The following CNTNAP1 variants were observed in gnomAD, a reference collection of about 807,000 sequenced individuals.
CNTNAP1 encodes the protein contactin associated protein 1.
In CNTNAP1, 80 loss-of-function variants were observed where a neutral mutation model predicts 161.5. That is an observed-to-expected ratio of 0.50 (90% CI 0.41 to 0.60). CNTNAP1 has a LOEUF of 0.60. CNTNAP1 is among the 20% of genes least tolerant of loss of function. The pLI, the probability that CNTNAP1 is intolerant of heterozygous loss-of-function variation, is 0.00. For synonymous variants in CNTNAP1, 695 were observed against 733.1 expected, an observed-to-expected ratio of 0.95 and a Z score of 0.84; for missense variants, 1,464 against 1,854.8, an observed-to-expected ratio of 0.79 and a Z score of 3.87.
At position 42,698,712 on chromosome 17, in the gene CNTNAP1, G is replaced by A; in HGVS notation, c.3957G>A (p.Glu1319=). The change falls in exon 24 of 24, where the codon GAG becomes GAA. Residue 1319 remains glutamate (E), a synonymous_variant. Coordinates refer to ENST00000264638, the MANE Select transcript of CNTNAP1 (RefSeq NM_003632.3). ...ATAAGGGCTCCTACCATACCAATGAGCCCAAGGCTGCCCACGAGTACCATC... is the reference window on the plus strand; with the variant it reads ...ATAAGGGCTCCTACCATACCAATGAACCCAAGGCTGCCCACGAGTACCATC... The part of the protein sequence containing the change: ...HRYKGSYHTN[E]PKAAHEYHPG... 6.2e-7 allele frequency: 1 copy of A among 1,613,348 alleles called. No individual in the cohort carries two copies. Among genetic ancestry groups the A allele is most frequent in the African/African-American group, 1.3e-5 (1 of 74,824 alleles).
At chr17:42,697,453 G>A in intron 21 of CNTNAP1, 86 bp downstream of exon 21, 6 of 1,606,030 alleles carry the variant, frequency 3.7e-6, no homozygotes, top group Non-Finnish European at 5.1e-6. Context: ...CCCTGGGAAT[G>A]GCTGAGGGCA....
Position 42,687,221 on chromosome 17 carries a change from G to A in CNTNAP1, c.1044+175G>A. 1.3e-6 allele frequency: 1 copy of A among 774,174 alleles called. No individual in the cohort carries two copies. The highest frequency in any genetic ancestry group is 2.0e-6 in the Non-Finnish European group (1 of 501,362). 48.0% of individuals were successfully genotyped at this position (774,174 alleles called of 1,614,324 possible). Reference sequence around the variant, plus strand: ...CACCTGAGGTGCATGAGCCACGCAGGCCCCTAGTTAAGAAGCAGTGGTCGG... The same window carrying A: ...CACCTGAGGTGCATGAGCCACGCAGACCCCTAGTTAAGAAGCAGTGGTCGG... On this transcript the variant is annotated intron_variant, in intron 7 of 23. Transcript: ENST00000264638. This position sits in a 1 kb window ranked among gnomAD's most constrained non-coding sequence, Gnocchi z 4.7.
Position 42,691,511 on chromosome 17 carries a change from C to A in CNTNAP1, c.2344C>A (p.Arg782=). The stretch of plus-strand genomic sequence containing the variant: ...GAGGCCTCTGCGCTGCTATGGCGAT[C>A]GTGAGTGGCAGTCCCCTTTTGTGTG... ...FLRPLRCYGD[R]NSWNTISFHT... is the part of the protein sequence containing the mutation. Residue 782 remains arginine (R), a splice_region_variant and synonymous_variant, in exon 15 of 24, where the codon CGA becomes AGA. Transcript: ENST00000264638. The surrounding 1 kb of genome is among the most constrained non-coding windows in gnomAD (Gnocchi z 4.3). 6.2e-7 allele frequency: 1 copy of A among 1,613,880 alleles called. No homozygotes were observed. The highest frequency in any genetic ancestry group is 1.1e-5 in the South Asian group (1 of 91,026).
At chr17:42,696,533 G>C (rs2053154376) in intron 20 of CNTNAP1, among the ~76,000 whole-genome samples, 1 of 152,138 alleles carries the variant, frequency 6.6e-6, no homozygotes, top group South Asian at 2.1e-4. Context: ...ATGTTGGTCA[G>C]GCTGGTCTCG....
In CNTNAP1 at chr17:42,689,589, G is replaced by A; in HGVS notation, c.1697G>A (p.Cys566Tyr). Residue 566 changes from cysteine to tyrosine, a missense_variant, in exon 11 of 24, where the codon TGC becomes TAC. Transcript: ENST00000264638. ...TCTTGGGATGACTTCATTTGCTACT[G>A]CGAACTGACGGGCTACAAGGGAGAG... ...YQSWDDFICYCELTGYKGETC... is the reference protein window; with the variant it reads ...YQSWDDFICYYELTGYKGETC... 1 of 1,613,964 alleles carries A rather than the reference G, an allele frequency of 6.2e-7. No individual in the cohort carries two copies. The highest frequency in any genetic ancestry group is 8.5e-7 in the Non-Finnish European group (1 of 1,179,946).
Position 42,687,799 on chromosome 17 carries a change from C to T in CNTNAP1, c.1124C>T (p.Pro375Leu). Residue 375 changes from proline (P) to leucine (L), a missense_variant, in exon 8 of 24, where the codon CCC (proline) becomes CTC (leucine). By Grantham distance (98) the Pro-to-Leu change is moderately conservative (BLOSUM62 -3). Coordinates refer to ENST00000264638, the MANE Select transcript of CNTNAP1 (RefSeq NM_003632.3). The surrounding 1 kb of genome is among the most constrained non-coding windows in gnomAD (Gnocchi z 4.7). Reference protein sequence around the residue: ...FGGPHNFVQVPGFPRRGRLAV... With the variant: ...FGGPHNFVQVLGFPRRGRLAV... ...GGCCCTCACAACTTCGTTCAAGTGC[C>T]CGGTTTCCCACGCCGTGGCCGCCTG... 1 of 1,614,232 alleles carries T rather than the reference C, an allele frequency of 6.2e-7. No individual in the cohort carries two copies. Among genetic ancestry groups the T allele is most frequent in the Non-Finnish European group, 8.5e-7 (1 of 1,180,044 alleles).
Position 42,691,429 on chromosome 17 carries a change from C to T in CNTNAP1, c.2262C>T (p.Val754=). ...GLLTFVDHLP[V]TQVVIGDTNR... ...TGACCTTTGTGGACCATCTGCCTGT[C>T]ACTCAGGTAGTGATAGGGGATACGA... The change falls in exon 15 of 24, where the codon GTC becomes GTT. Residue 754 remains valine, a synonymous_variant. Transcript: ENST00000264638. This position sits in a 1 kb window ranked among gnomAD's most constrained non-coding sequence, Gnocchi z 4.3. The T allele has an allele frequency of 6.2e-7, 1 of 1,614,118 alleles. No homozygotes were observed. The highest frequency in any genetic ancestry group is 8.5e-7 in the Non-Finnish European group (1 of 1,180,016).
rs1229444835 is a variant in CNTNAP1, at chr17:42,691,772, C to T, written c.2345-34C>T. On this transcript the variant is annotated intron_variant, in intron 15 of 23. Transcript: ENST00000264638. The surrounding 1 kb of genome is among the most constrained non-coding windows in gnomAD (Gnocchi z 4.3). The stretch of plus-strand genomic sequence containing the variant: ...CTCTTCCTCCTCCACCCTCCAATCT[C>T]CCTGACAAGACCTTCCTCCATCTGC... The T allele has an allele frequency of 6.2e-7, 1 of 1,609,738 alleles. No individual in the cohort carries two copies.
Position 42,697,816 on chromosome 17 carries a change from C to A in CNTNAP1, c.3814+17C>A. ...TGCCCCCAGGTACATTCCCAGGACA[C>A]AGAGGACAGAAGGGAGGGATGACAC... is the stretch of plus-strand genomic sequence containing the variant. On this transcript the variant is annotated intron_variant, in intron 22 of 23. Coordinates refer to ENST00000264638, the MANE Select transcript of CNTNAP1 (RefSeq NM_003632.3). 2 of 1,614,168 alleles carry A rather than the reference C, an allele frequency of 1.2e-6. No homozygotes were observed. Among genetic ancestry groups the A allele is most frequent in the Non-Finnish European group, 1.7e-6 (2 of 1,180,028 alleles).
chr17:42,687,445 G>A lies in CNTNAP1; in HGVS notation c.1045-275G>A. 1 of 544,236 alleles carries A rather than the reference G, an allele frequency of 1.8e-6. No individual in the cohort carries two copies. The highest frequency in any genetic ancestry group is 3.3e-6 in the Non-Finnish European group (1 of 307,070). The allele number at this position is 544,236 out of a possible 1,614,324, so 33.7% of individuals were successfully genotyped here. A position where few individuals can be genotyped will look rare whatever the true frequency, so the allele number is the denominator to read the frequency against. On this transcript the variant is annotated intron_variant, in intron 7 of 23. Coordinates refer to ENST00000264638, the MANE Select transcript of CNTNAP1 (RefSeq NM_003632.3). This position sits in a 1 kb window ranked among gnomAD's most constrained non-coding sequence, Gnocchi z 4.7. ...GGAGCCAGGTCTGTGGTCCAAAATTGCCTCTCGATACTGGAAGGAGAGAAG... is the reference window on the plus strand; with the variant it reads ...GGAGCCAGGTCTGTGGTCCAAAATTACCTCTCGATACTGGAAGGAGAGAAG...
chr17:42,682,819 G>C lies in CNTNAP1; in HGVS notation c.-11G>C, dbSNP rs945283475. 1.3e-6 allele frequency: 2 copies of C among 1,565,168 alleles called. No individual in the cohort carries two copies. The highest frequency in any genetic ancestry group is 1.7e-6 in the Non-Finnish European group (2 of 1,157,116). On this transcript the variant is annotated 5_prime_UTR_variant, in exon 1 of 24. Coordinates refer to ENST00000264638, the MANE Select transcript of CNTNAP1 (RefSeq NM_003632.3). ...TCACAGGGAGGCGGCTGCCGGGACC[G>C]TCAGCCCTGCATGATGCATCTCCGG...
In CNTNAP1 at chr17:42,690,730, G is replaced by A; in HGVS notation, c.1856-9G>A. 1 of 1,612,276 alleles carries A rather than the reference G, an allele frequency of 6.2e-7. No individual in the cohort carries two copies. The highest frequency in any genetic ancestry group is 1.1e-5 in the South Asian group (1 of 91,046). ...TCCAGCCAAAGCTCTGTCCCCTCTT[G>A]TCTGCCAGAGAACCGAGCGTGGACA... On this transcript the variant is annotated splice_polypyrimidine_tract_variant and intron_variant, in intron 12 of 23. Coordinates refer to ENST00000264638, the MANE Select transcript of CNTNAP1 (RefSeq NM_003632.3).
Position 42,691,621 on chromosome 17 carries a change from C to T in CNTNAP1, c.2344+110C>T. The T allele has an allele frequency of 1.3e-6, 2 of 1,491,232 alleles. No homozygotes were observed. Among genetic ancestry groups the T allele is most frequent in the Non-Finnish European group, 1.8e-6 (2 of 1,091,404 alleles). 92.4% of individuals were successfully genotyped at this position (1,491,232 alleles called of 1,614,324 possible). ...TAGCTGGGGTGCCCGACCCCCAGCT[C>T]CTGCTGTGATGCGATCTCATTACCC... On this transcript the variant is annotated intron_variant, in intron 15 of 23. Transcript: ENST00000264638. This position sits in a 1 kb window ranked among gnomAD's most constrained non-coding sequence, Gnocchi z 4.3.
chr17:42,690,034 C>T, intron 11 of CNTNAP1, 54 bp from the exon 12 acceptor site: 1 of 1,606,462 alleles, frequency 6.2e-7, no homozygotes, highest in Non-Finnish European at 8.5e-7. Context: ...GCCGCCGCAC[C>T]TGGCCAGCCC....
At position 42,690,423 on chromosome 17, in the gene CNTNAP1, T is replaced by C. The variant is rs35855335; in HGVS notation, c.1855+216T>C. ...GCACTTTGGGAAGCTACTCGGGAGG[T>C]TGAGGCAGGAGAATCACTTGAACCT... is the stretch of plus-strand genomic sequence containing the variant. On this transcript the variant is annotated intron_variant, in intron 12 of 23. Coordinates refer to ENST00000264638, the MANE Select transcript of CNTNAP1 (RefSeq NM_003632.3). 0.074 allele frequency among the ~76,000 whole-genome samples: 11,146 copies of C among 150,486 alleles called. 476 individuals carry two copies. Among genetic ancestry groups the C allele is most frequent in the Admixed American group, 0.12 (1,780 of 15,080 alleles).
chr17:42,686,478 T>TG (rs1306173074), intron 6 of CNTNAP1, among the ~76,000 whole-genome samples: 3,318 of 134,140 alleles, frequency 0.025, 177 homozygotes, highest in African/African-American at 0.1. Context: ...TGTTTTTTTT[T>TG]TTTTTTTTTT....
intron 18 of CNTNAP1, among the ~76,000 whole-genome samples, chr17:42,694,834 A>C (rs2053133157): frequency 6.6e-6 from 1 of 152,126 alleles, no homozygotes; most frequent in South Asian, 2.1e-4. Flanking sequence ...AGGCTGGCCT[A>C]TAGGGAGGAT....
At chr17:42,698,567 G>GTA (rs766016920) in intron 23 of CNTNAP1, 51 bp from the exon 24 acceptor site, 11 of 1,265,176 alleles carry the variant, frequency 8.7e-6, no homozygotes, top group Non-Finnish European at 1.1e-5. Context: ...GTGTGTGTGT[G>GTA]TATACAGGTG....
At position 42,691,670 on chromosome 17, in the gene CNTNAP1, T is replaced by C; in HGVS notation, c.2345-136T>C. 7.4e-7 allele frequency: 1 copy of C among 1,348,560 alleles called. No homozygotes were observed. The highest frequency in any genetic ancestry group is 1.0e-6 in the Non-Finnish European group (1 of 965,332). The allele number at this position is 1,348,560 out of a possible 1,614,324, so 83.5% of individuals were successfully genotyped here. A position where few individuals can be genotyped will look rare whatever the true frequency, so the allele number is the denominator to read the frequency against. On this transcript the variant is annotated intron_variant, in intron 15 of 23. Transcript: ENST00000264638. This position sits in a 1 kb window ranked among gnomAD's most constrained non-coding sequence, Gnocchi z 4.3. ...CCCTCTGCACCTGGCTCCTCTTTCA[T>C]TCCACTCCTTAGTCTCCCCTCCGTC...
Sources: gnomAD v4.1 joint callset for allele counts (sites outside exome capture counted in the v4.1 genomes callset) on GRCh38, gnomAD v4.1.1 for gene constraint, Gnocchi (gnomAD v3.1) non-coding constraint, MANE v1.5 for transcripts, NCBI Gene and HGNC (gene_info 2026-07-23, HGNC 2026-07-21) for gene names.